Variants in PCBD2 observed in about 807,000 individuals in gnomAD.
The protein encoded by PCBD2 is pterin-4 alpha-carbinolamine dehydratase 2, also known as pterin-4-alpha-carbinolamine dehydratase 2.
A neutral mutation model predicts 16.4 loss-of-function variants in PCBD2; 12 were observed. The ratio of observed to expected loss-of-function variants is 0.73; its 90% CI spans 0.47 to 1.19. PCBD2 has a LOEUF of 1.19. Among genes scored for constraint, PCBD2 ranks in the 50% most tolerant of loss-of-function variants. PCBD2 has a pLI of 0.00. For synonymous variants in PCBD2, 58 were observed against 61.8 expected (o/e 0.94, Z 0.29); for missense variants, 138 against 156.8 (o/e 0.88, Z 0.64).
chr5:134,914,166 T>C (rs73790729), intron 2 of PCBD2, among the ~76,000 whole-genome samples: 1,564 of 152,224 alleles, frequency 0.01, 24 homozygotes, highest in African/African-American at 0.036. Flanking sequence ...AGCGATGATA[T>C]GTCCATTGTG....
intron 2 of PCBD2, among the ~76,000 whole-genome samples, chr5:134,936,476 A>C (rs929776180): frequency 1.3e-5 from 2 of 152,248 alleles, no homozygotes; most frequent in African/African-American, 4.8e-5. Flanking sequence ...GCAGATTGGT[A>C]ACTGTTTATA....
At chr5:134,921,543 C>T (rs936187381) in intron 2 of PCBD2, among the ~76,000 whole-genome samples, 1 of 152,076 alleles carries the variant, frequency 6.6e-6, no homozygotes, top group Non-Finnish European at 1.5e-5. Flanking sequence ...TGAGCTGGGC[C>T]ACAGAGTACA....
At chr5:134,922,484 A>G (rs1158553484) in intron 2 of PCBD2, among the ~76,000 whole-genome samples, 5 of 152,148 alleles carry the variant, frequency 3.3e-5, no homozygotes, top group African/African-American at 7.2e-5. Flanking sequence ...TTAACAATAA[A>G]CAGTTATCAA....
chr5:134,925,675 C>T (rs1398055855), intron 2 of PCBD2: 1 of 397,092 alleles, frequency 2.5e-6, no homozygotes, highest in East Asian at 3.6e-5. Context: ...GGGGTGGAAG[C>T]GGATGAGTAG....
Position 134,959,174 on chromosome 5 carries a change from T to G in PCBD2, c.297+54T>G, listed in dbSNP as rs2149541713. Reference sequence around the variant, plus strand: ...CCTTAATTATGGAGTTTAAGAAACTTCTTTCTTCCTTGTCATCTTGTGCAG... The same window carrying G: ...CCTTAATTATGGAGTTTAAGAAACTGCTTTCTTCCTTGTCATCTTGTGCAG... On this transcript the variant is annotated intron_variant, in intron 3 of 3. Transcript: ENST00000254908. The G allele has an allele frequency of 3.1e-6, 4 of 1,298,206 alleles. No individual in the cohort carries two copies. In the South Asian group the frequency reaches 5.0e-5, roughly 16 times the overall value. The allele number at this position is 1,298,206 out of a possible 1,614,324, so 80.4% of individuals were successfully genotyped here. A position where few individuals can be genotyped will look rare whatever the true frequency, so the allele number is the denominator to read the frequency against.
intron 1 of PCBD2, among the ~76,000 whole-genome samples, chr5:134,907,752 A>G (rs1210405292): frequency 6.7e-6 from 1 of 148,670 alleles, no homozygotes; most frequent in African/African-American, 2.5e-5. Flanking sequence ...CCTCCTGAGT[A>G]GCAGGGACTA....
chr5:134,915,120 G>C (rs1261510857), intron 2 of PCBD2, among the ~76,000 whole-genome samples: 4 of 152,068 alleles, frequency 2.6e-5, no homozygotes, highest in African/African-American at 7.2e-5. Context: ...TTCGAGACCA[G>C]CCTGACCAAC....
At chr5:134,923,775 A>T in intron 2 of PCBD2, 1 of 393,180 alleles carries the variant, frequency 2.5e-6, no homozygotes, top group Admixed American at 4.4e-5. Context: ...GAAGAGGCAG[A>T]TGAAGAATAT....
At chr5:134,939,914 A>C (rs73790756) in intron 2 of PCBD2, among the ~76,000 whole-genome samples, 3,867 of 151,146 alleles carry the variant, frequency 0.026, 149 homozygotes, top group African/African-American at 0.082. Flanking sequence ...GGAGACCCCC[A>C]CTCTGTAATA....
chr5:134,906,988 C>A (rs1750699389), intron 1 of PCBD2, among the ~76,000 whole-genome samples: 1 of 152,224 alleles, frequency 6.6e-6, no homozygotes, highest in Admixed American at 6.5e-5. Flanking sequence ...ATTTCCCAGT[C>A]CTGGGTGTGG....
chr5:134,923,785 T>G (rs1750940157), intron 2 of PCBD2: 1 of 393,258 alleles, frequency 2.5e-6, no homozygotes, highest in East Asian at 3.6e-5. Flanking sequence ...ATGAAGAATA[T>G]TGAGGCGCCA....
At chr5:134,954,456 T>C (rs960876494) in intron 2 of PCBD2, among the ~76,000 whole-genome samples, 2 of 152,244 alleles carry the variant, frequency 1.3e-5, no homozygotes, top group Admixed American at 1.3e-4. Context: ...TTCCTAGAAC[T>C]GAATGAATAT....
chr5:134,932,963 C>A (rs182033419), intron 2 of PCBD2, among the ~76,000 whole-genome samples: 1 of 152,118 alleles, frequency 6.6e-6, no homozygotes, highest in Non-Finnish European at 1.5e-5. Context: ...TGATACCCTC[C>A]TGTTAACATT....
At chr5:134,959,246 C>T in intron 3 of PCBD2, 126 bp downstream of exon 3, 1 of 672,908 alleles carries the variant, frequency 1.5e-6, no homozygotes, top group Non-Finnish European at 2.4e-6. Flanking sequence ...CTCTCAGAAT[C>T]CCTGTGTATT....
intron 2 of PCBD2, chr5:134,923,717 T>C: frequency 2.6e-6 from 1 of 388,506 alleles, no homozygotes; most frequent in Non-Finnish European, 4.6e-6. Context: ...TGTTTCAGGT[T>C]TCTAGGTAAA....
In PCBD2 at chr5:134,910,468, T is replaced by C; in HGVS notation, c.216+2T>C. 6.2e-7 allele frequency: 1 copy of C among 1,613,920 alleles called. No individual in the cohort carries two copies. The highest frequency in any genetic ancestry group is 8.5e-7 in the Non-Finnish European group (1 of 1,179,818). ...TTCTCCTTCCACAATTTTAATCAGGTAATTGTTATAAATTCTTGCTAGGGC... is the reference window on the plus strand; with the variant it reads ...TTCTCCTTCCACAATTTTAATCAGGCAATTGTTATAAATTCTTGCTAGGGC... On this transcript the variant is annotated splice_donor_variant, in intron 2 of 3. Transcript: ENST00000254908. LOFTEE classifies it high-confidence loss of function.
At chr5:134,925,239 T>C (rs1316715865) in intron 2 of PCBD2, 3 of 398,414 alleles carry the variant, frequency 7.5e-6, no homozygotes, top group Non-Finnish European at 1.3e-5. Context: ...TAGACAGGGC[T>C]CAGGCGTTTG....
intron 2 of PCBD2, among the ~76,000 whole-genome samples, chr5:134,932,054 T>A (rs1751104888): frequency 6.6e-6 from 1 of 152,192 alleles, no homozygotes; most frequent in African/African-American, 2.4e-5. Flanking sequence ...AAAACTTTAT[T>A]TGGAGAAGTG....
chr5:134,937,138 C>T (rs1045534731), intron 2 of PCBD2, among the ~76,000 whole-genome samples: 1 of 152,066 alleles, frequency 6.6e-6, no homozygotes, highest in Non-Finnish European at 1.5e-5. Flanking sequence ...TCGTTTTAAG[C>T]TATGTAAAAT....
Sources: gnomAD v4.1 joint callset for allele counts (sites outside exome capture counted in the v4.1 genomes callset) on GRCh38, gnomAD v4.1.1 for gene constraint, MANE v1.5 for transcripts, NCBI Gene and HGNC (gene_info 2026-07-23, HGNC 2026-07-21) for gene names.